The following PRKN variants were observed in gnomAD, a reference collection of about 807,000 sequenced individuals.
The protein encoded by PRKN is parkin RBR E3 ubiquitin protein ligase.
PRKN carries 56 observed loss-of-function variants against 59.5 expected under a neutral mutation model. That is an observed-to-expected ratio of 0.94 (90% CI 0.76 to 1.18). The LOEUF (loss-of-function observed/expected upper bound fraction) is 1.18, where lower values mean the gene tolerates loss of function less well. Among genes scored for constraint, PRKN ranks in the 50% most tolerant of loss-of-function variants. The probability of loss-of-function intolerance (pLI) is 0.00; values close to 1 mark genes in which losing one functional copy is unlikely to be tolerated. For synonymous variants in PRKN, 250 were observed against 222.1 expected (o/e 1.13, Z -1.12); for missense variants, 657 against 596.4 (o/e 1.10, Z -1.06).
chr6:162,501,544 C>T (rs1583679988), intron 1 of PRKN, among the ~76,000 whole-genome samples: 5 of 148,238 alleles, frequency 3.4e-5, no homozygotes, highest in South Asian at 4.3e-4. Context: ...TTAGTAGAGA[C>T]GAGGTTTCAC....
At chr6:162,235,654 A>G (rs929669390) in intron 3 of PRKN, among the ~76,000 whole-genome samples, 8 of 151,938 alleles carry the variant, frequency 5.3e-5, no homozygotes, top group Non-Finnish European at 1.2e-4. Context: ...AAAAAAATAC[A>G]AAAACTAGCG....
rs551454747 is a variant in PRKN at position 161,475,208 on chromosome 6, A to G, written c.1083+73646T>C. ...CTGACCCACTATTACCTATACTTAT[A>G]GTAGATTGCATGTGATCGCTGCTGT... On this transcript the variant is annotated intron_variant, in intron 9 of 11. Coordinates refer to ENST00000366898, the MANE Select transcript of PRKN (RefSeq NM_004562.3). This position sits in a 1 kb window ranked among gnomAD's most constrained non-coding sequence, Gnocchi z 5.3. Among the ~76,000 whole-genome samples, 1 of 152,290 alleles carries G rather than the reference A, an allele frequency of 6.6e-6. No individual in the cohort carries two copies. The highest frequency in any genetic ancestry group is 6.5e-5 in the Admixed American group (1 of 15,302).
At chr6:161,976,680 CT>C (rs1781045455) in intron 5 of PRKN, among the ~76,000 whole-genome samples, 1 of 152,138 alleles carries the variant, frequency 6.6e-6, no homozygotes, top group Admixed American at 6.5e-5. Flanking sequence ...ATGACTGACC[CT>C]TATGAAATAC....
intron 9 of PRKN, among the ~76,000 whole-genome samples, chr6:161,500,879 T>TTTC (rs1554268178): frequency 2.0e-5 from 3 of 146,790 alleles, no homozygotes; most frequent in African/African-American, 7.6e-5. Context: ...TTTTTTTCTT[T>TTTC]TTTTTTTTTT....
intron 1 of PRKN, among the ~76,000 whole-genome samples, chr6:162,651,359 C>G (rs1778425380): frequency 1.3e-5 from 2 of 152,148 alleles, no homozygotes; most frequent in Non-Finnish European, 1.5e-5. Context: ...TTACGTGGAA[C>G]TCTGTAAGTC....
intron 1 of PRKN, among the ~76,000 whole-genome samples, chr6:162,513,469 G>GAAGAAAAGAAAAGAAAAGAA (rs138108454): frequency 1.8e-3 from 237 of 128,268 alleles, no homozygotes; most frequent in South Asian, 9.2e-3. Flanking sequence ...GTGAGATTCT[G>GAAGAAAAGAAAAGAAAAGAA]AAGAAAAGAA....
chr6:161,964,039 G>A (rs1166069656), intron 6 of PRKN, among the ~76,000 whole-genome samples: 2 of 151,960 alleles, frequency 1.3e-5, no homozygotes. Context: ...CTTTTCACAT[G>A]CAAATCCACC....
intron 7 of PRKN, among the ~76,000 whole-genome samples, chr6:161,724,735 A>G (rs1177709330): frequency 2.0e-5 from 3 of 152,192 alleles, no homozygotes; most frequent in Admixed American, 6.5e-5. Context: ...AGGTCTGGCA[A>G]TTACTAGAAT....
intron 3 of PRKN, among the ~76,000 whole-genome samples, chr6:162,216,557 A>C (rs1220246675): frequency 2.0e-5 from 3 of 150,960 alleles, no homozygotes; most frequent in Admixed American, 6.6e-5. Flanking sequence ...AAAAAAAAAA[A>C]AAAAAAACCC....
At position 161,552,295 on chromosome 6, in the gene PRKN, C is replaced by T. The variant is rs1489930455; in HGVS notation, c.934-3292G>A. Among the ~76,000 whole-genome samples, 2 of 151,920 alleles carry T rather than the reference C, an allele frequency of 1.3e-5. No individual in the cohort carries two copies. Among genetic ancestry groups the T allele is most frequent in the Admixed American group, 1.3e-4 (2 of 15,260 alleles). On this transcript the variant is annotated intron_variant, in intron 8 of 11. Coordinates refer to ENST00000366898, the MANE Select transcript of PRKN (RefSeq NM_004562.3). This position sits in a 1 kb window ranked among gnomAD's most constrained non-coding sequence, Gnocchi z 4.9. ...CTGTGAATGATCTCACGGTGATCCT[C>T]CAAGCCCCTCTCCCTCAGCTCTGTT...
intron 9 of PRKN, among the ~76,000 whole-genome samples, chr6:161,534,178 T>C (rs1365960197): frequency 6.6e-6 from 1 of 152,096 alleles, no homozygotes; most frequent in Admixed American, 6.6e-5. Context: ...CTCCTCTCCG[T>C]CGGCTAATCA....
intron 5 of PRKN, among the ~76,000 whole-genome samples, chr6:162,038,570 A>C (rs114303065): frequency 0.011 from 1,682 of 152,312 alleles, 28 homozygotes; most frequent in African/African-American, 0.039. Context: ...TATCATAACA[A>C]AAGTTCAAAT....
intron 1 of PRKN, among the ~76,000 whole-genome samples, chr6:162,556,126 G>A (rs767670155): frequency 6.6e-6 from 1 of 152,172 alleles, no homozygotes; most frequent in East Asian, 1.9e-4. Flanking sequence ...CAATACATCC[G>A]TACTGTGTGA....
intron 1 of PRKN, among the ~76,000 whole-genome samples, chr6:162,453,901 C>A (rs955875373): frequency 6.6e-6 from 1 of 151,574 alleles, no homozygotes; most frequent in Non-Finnish European, 1.5e-5. Flanking sequence ...GAGACTGTGT[C>A]TCCAAAAAAA....
chr6:162,422,387 A>G (rs1315799655), intron 2 of PRKN, among the ~76,000 whole-genome samples: 1 of 152,164 alleles, frequency 6.6e-6, no homozygotes, highest in Non-Finnish European at 1.5e-5. Context: ...ATAGAAATGC[A>G]TTGGCCACAG....
intron 1 of PRKN, among the ~76,000 whole-genome samples, chr6:162,494,287 T>G (rs1463718941): frequency 6.6e-6 from 1 of 152,188 alleles, no homozygotes; most frequent in Admixed American, 6.5e-5. Flanking sequence ...AGCTGTGCTG[T>G]GTCCCCTGGC....
chr6:162,388,230 C>T (rs1372309950), intron 2 of PRKN, among the ~76,000 whole-genome samples: 1 of 152,040 alleles, frequency 6.6e-6, no homozygotes. Context: ...GGGGCTAGGC[C>T]GAGGAAGGCG....
intron 1 of PRKN, among the ~76,000 whole-genome samples, chr6:162,547,583 A>G (rs1779171417): frequency 6.6e-6 from 1 of 151,978 alleles, no homozygotes; most frequent in Non-Finnish European, 1.5e-5. Context: ...AGTTATTATT[A>G]TTATATTATT....
intron 1 of PRKN, among the ~76,000 whole-genome samples, chr6:162,601,406 A>C (rs1781706156): frequency 1.3e-5 from 2 of 152,314 alleles, no homozygotes; most frequent in African/African-American, 4.8e-5. Flanking sequence ...ATATTTGTTT[A>C]AGGCTTCTCT....
Sources: gnomAD v4.1 joint callset for allele counts (sites outside exome capture counted in the v4.1 genomes callset) on GRCh38, gnomAD v4.1.1 for gene constraint, Gnocchi (gnomAD v3.1) non-coding constraint, MANE v1.5 for transcripts, NCBI Gene and HGNC (gene_info 2026-07-23, HGNC 2026-07-21) for gene names.